RARB: variants seen among roughly 807,000 people sequenced by gnomAD.
The protein encoded by RARB is retinoic acid receptor beta.
RARB carries 17 observed loss-of-function variants against 51.9 expected under a neutral mutation model. The ratio of observed to expected loss-of-function variants is 0.33; its 90% CI spans 0.22 to 0.49. The LOEUF (loss-of-function observed/expected upper bound fraction) is 0.49, where lower values mean the gene tolerates loss of function less well. Among genes scored for constraint, RARB ranks in the 20% least tolerant of loss-of-function variants. The probability of loss-of-function intolerance (pLI) is 0.99; values close to 1 mark genes in which losing one functional copy is unlikely to be tolerated. For synonymous variants in RARB, 215 were observed against 195.4 expected, an observed-to-expected ratio of 1.10 and a Z score of -0.84; for missense variants, 369 against 550.8, an observed-to-expected ratio of 0.67 and a Z score of 3.30.
intron 5 of RARB, among the ~76,000 whole-genome samples, chr3:25,311,085 TA>T (rs1408054323): frequency 3.3e-5 from 5 of 152,132 alleles, no homozygotes; most frequent in African/African-American, 1.2e-4. Context: ...AAAAGAAGTT[TA>T]GGGGAGATTA....
chr3:25,292,325 A>G (rs1400843397), intron 5 of RARB, among the ~76,000 whole-genome samples: 4 of 152,156 alleles, frequency 2.6e-5, no homozygotes, highest in Non-Finnish European at 4.4e-5. Context: ...CACATTGAGC[A>G]AGTCCTCCCC....
chr3:25,163,824 G>T (rs971593807), intron 4 of RARB, among the ~76,000 whole-genome samples: 1 of 152,066 alleles, frequency 6.6e-6, no homozygotes, highest in African/African-American at 2.4e-5. Context: ...AAATTCAGTT[G>T]TGATGTTTCT....
At chr3:25,197,608 A>C (rs1299639211) in intron 5 of RARB, among the ~76,000 whole-genome samples, 1 of 152,080 alleles carries the variant, frequency 6.6e-6, no homozygotes, top group East Asian at 1.9e-4. Flanking sequence ...TACAAAATCA[A>C]CCTACAAAAT....
intron 5 of RARB, among the ~76,000 whole-genome samples, chr3:25,294,028 G>A (rs6810082): frequency 0.25 from 38,393 of 151,940 alleles, 5,895 homozygotes; most frequent in African/African-American, 0.43. Flanking sequence ...CAATAACTTC[G>A]GAGGAGGTAA....
chr3:25,391,888 A>G (rs911252491), intron 5 of RARB, among the ~76,000 whole-genome samples: 1 of 152,064 alleles, frequency 6.6e-6, no homozygotes, highest in South Asian at 2.1e-4. Context: ...GAAGCTTTTT[A>G]GTTTAATTAA....
chr3:24,939,001 T>TTC, intron 2 of RARB, among the ~76,000 whole-genome samples: 1 of 152,000 alleles, frequency 6.6e-6, no homozygotes. Context: ...TTTTTTTTTT[T>TTC]AGACAGAGTC....
intron 5 of RARB, among the ~76,000 whole-genome samples, chr3:25,290,222 T>C (rs1182531904): frequency 6.6e-6 from 1 of 152,170 alleles, no homozygotes; most frequent in Non-Finnish European, 1.5e-5. Context: ...CGTTTGGAAA[T>C]ATGGTCTTTA....
chr3:25,393,230 G>A (rs961491495), intron 5 of RARB, among the ~76,000 whole-genome samples: 3 of 151,930 alleles, frequency 2.0e-5, no homozygotes, highest in African/African-American at 7.2e-5. Context: ...TACATCCTTA[G>A]TATGAAACCC....
intron 5 of RARB, among the ~76,000 whole-genome samples, chr3:25,267,166 G>A (rs918799094): frequency 6.6e-6 from 1 of 152,200 alleles, no homozygotes; most frequent in African/African-American, 2.4e-5. Flanking sequence ...TGTTCTACAG[G>A]GAGATATTCT....
chr3:25,480,999 C>A (rs6781440), intron 2 of RARB, among the ~76,000 whole-genome samples: 2,652 of 152,122 alleles, frequency 0.017, 80 homozygotes, highest in African/African-American at 0.061. Context: ...GAGTGCTAGC[C>A]CAGGAACCAC....
At chr3:25,049,334 G>A (rs970102858) in intron 2 of RARB, among the ~76,000 whole-genome samples, 6 of 152,196 alleles carry the variant, frequency 3.9e-5, no homozygotes, top group South Asian at 2.1e-4. Flanking sequence ...TAGCATTCAC[G>A]TGACTTGACT....
At chr3:25,535,873 G>C (rs906273040) in intron 3 of RARB, among the ~76,000 whole-genome samples, 1 of 152,126 alleles carries the variant, frequency 6.6e-6, no homozygotes, top group African/African-American at 2.4e-5. Context: ...ATTTTACAGT[G>C]TTATCAGGGT....
chr3:25,433,626 T>C (rs7620632), intron 1 of RARB, among the ~76,000 whole-genome samples: 23,477 of 151,838 alleles, frequency 0.15, 1,950 homozygotes, highest in Admixed American at 0.22. Flanking sequence ...GGGAGAAGAG[T>C]AGAGTTAACT....
chr3:24,867,571 C>T (rs1485240342), intron 2 of RARB, among the ~76,000 whole-genome samples: 1 of 152,060 alleles, frequency 6.6e-6, no homozygotes, highest in Admixed American at 6.6e-5. Flanking sequence ...CACCTTAAAG[C>T]CCAGTGGAAA....
At chr3:25,169,740 C>A (rs1000549727) in intron 4 of RARB, among the ~76,000 whole-genome samples, 4 of 152,028 alleles carry the variant, frequency 2.6e-5, no homozygotes, top group African/African-American at 9.7e-5. Flanking sequence ...GTAATCCCAG[C>A]ACTTTGGGAT....
At chr3:25,250,179 G>A (rs527302032) in intron 5 of RARB, among the ~76,000 whole-genome samples, 3 of 152,286 alleles carry the variant, frequency 2.0e-5, no homozygotes, top group African/African-American at 4.8e-5. Context: ...ACAGCAGGTT[G>A]GATGGGCTTG....
intron 5 of RARB, among the ~76,000 whole-genome samples, chr3:25,338,172 A>T (rs773811897): frequency 1.3e-5 from 2 of 151,918 alleles, no homozygotes; most frequent in Non-Finnish European, 2.9e-5. Flanking sequence ...AAGTTTTCTG[A>T]AACTCATGAG....
intron 2 of RARB, among the ~76,000 whole-genome samples, chr3:24,888,980 G>C (rs535739865): frequency 1.3e-5 from 2 of 152,128 alleles, no homozygotes; most frequent in Non-Finnish European, 2.9e-5. Flanking sequence ...ATTTCCTTTT[G>C]ATGATAATGT....
At chr3:25,433,424 C>G (rs574742261) in intron 1 of RARB, among the ~76,000 whole-genome samples, 1 of 152,168 alleles carries the variant, frequency 6.6e-6, no homozygotes, top group Non-Finnish European at 1.5e-5. Flanking sequence ...GAATTCCTTT[C>G]GTAGCAAACT....
Sources: allele counts gnomAD v4.1 joint callset (sites outside exome capture counted in the v4.1 genomes callset), GRCh38; gene constraint gnomAD v4.1.1; transcripts MANE v1.5; gene names NCBI Gene and HGNC (gene_info 2026-07-23, HGNC 2026-07-21).